The following UBE2W variants were observed in gnomAD, a reference collection of about 807,000 sequenced individuals.
UBE2W encodes ubiquitin-conjugating enzyme E2 W.
A neutral mutation model predicts 27.2 loss-of-function variants in UBE2W; 18 were observed. The ratio of observed to expected loss-of-function variants is 0.66; its 90% CI spans 0.46 to 0.98. The LOEUF is 0.98. Ranked by LOEUF, UBE2W falls within the 50% of genes least tolerant of loss-of-function variation. The pLI, the probability that UBE2W is intolerant of heterozygous loss-of-function variation, is 0.00. For missense variants in UBE2W, 90 were observed against 180.2 expected (o/e 0.50, Z 2.87); for synonymous variants, 53 against 57.2 (o/e 0.93, Z 0.33).
intron 4 of UBE2W, 141 bp downstream of exon 4, chr8:73,810,333 T>C (rs958160997): frequency 4.6e-6 from 4 of 866,656 alleles, no homozygotes; most frequent in African/African-American, 1.7e-5. Context: ...TTCCAATTTA[T>C]TACTAAACAT....
intron 3 of UBE2W, among the ~76,000 whole-genome samples, chr8:73,824,357 G>A (rs1457867312): frequency 6.6e-6 from 1 of 152,162 alleles, no homozygotes; most frequent in African/African-American, 2.4e-5. Flanking sequence ...TTGTGCTGAT[G>A]TTTAGATATT....
In UBE2W at chr8:73,803,670, C is replaced by T. The variant is rs1033990678; in HGVS notation, c.442+1981G>A. On this transcript the variant is annotated intron_variant, in intron 5 of 5. Coordinates refer to ENST00000602593, the MANE Select transcript of UBE2W (RefSeq NM_018299.6). ...GCTCTTAAAGTTTTGCCATTTTCTTCTTCTTCTAAGTCATATGTATTTCTT... is the reference window on the plus strand; with the variant it reads ...GCTCTTAAAGTTTTGCCATTTTCTTTTTCTTCTAAGTCATATGTATTTCTT... Among the ~76,000 whole-genome samples the T allele has an allele frequency of 1.1e-4, 16 of 152,100 alleles. 1 individual carries two copies. The highest frequency in any genetic ancestry group is 9.2e-4 in the Admixed American group (14 of 15,260).
Position 73,842,528 on chromosome 8 carries a change from C to CAAAAAAAAA in UBE2W, c.16-12065_16-12057dup, listed in dbSNP as rs759063478. 3.1e-3 allele frequency among the ~76,000 whole-genome samples: 30 copies of CAAAAAAAAA among 9,674 alleles called. 7 individuals are homozygous for CAAAAAAAAA. Among genetic ancestry groups the CAAAAAAAAA allele is most frequent in the African/African-American group, 7.3e-3 (26 of 3,560 alleles). The allele number at this position is 9,674 out of a possible 152,430, so 6.3% of individuals were successfully genotyped here. ...TGGGCGACAGAGGGAGACTCCGTCTCAAAAAAAAAAAAAAAAAAAAAAAAA... is the reference window on the plus strand; with the variant it reads ...TGGGCGACAGAGGGAGACTCCGTCTCAAAAAAAAAAAAAAAAAAAAAAAAAAAAAAAAAA... On this transcript the variant is annotated intron_variant, in intron 1 of 5. Transcript: ENST00000602593.
At chr8:73,795,876 G>A (rs1808389876) in intron 5 of UBE2W, 3 of 591,472 alleles carry the variant, frequency 5.1e-6, no homozygotes, top group Non-Finnish European at 6.4e-6. Context: ...GGGCCCAGGA[G>A]TTCAAGACCA....
At chr8:73,802,199 G>A (rs1339242664) in intron 5 of UBE2W, among the ~76,000 whole-genome samples, 1 of 152,108 alleles carries the variant, frequency 6.6e-6, no homozygotes, top group Non-Finnish European at 1.5e-5. Context: ...TTCCTTAAAG[G>A]ATTACACTAA....
intron 2 of UBE2W, among the ~76,000 whole-genome samples, chr8:73,828,569 T>C (rs1211106858): frequency 6.6e-6 from 1 of 152,202 alleles, no homozygotes; most frequent in Non-Finnish European, 1.5e-5. Flanking sequence ...AGGTCAAACA[T>C]GATAGTATTC....
chr8:73,843,969 C>A (rs1218709276), intron 1 of UBE2W, among the ~76,000 whole-genome samples: 1 of 151,980 alleles, frequency 6.6e-6, no homozygotes, highest in African/African-American at 2.4e-5. Flanking sequence ...AGCCTGGCAA[C>A]AGAGCAAGAC....
intron 1 of UBE2W, among the ~76,000 whole-genome samples, chr8:73,858,847 AC>A (rs1299655547): frequency 2.7e-5 from 4 of 150,810 alleles, no homozygotes; most frequent in Non-Finnish European, 5.9e-5. Context: ...GACTGAACCA[AC>A]CTTCTCTATC....
intron 1 of UBE2W, among the ~76,000 whole-genome samples, chr8:73,871,454 T>C (rs1189580156): frequency 6.6e-6 from 1 of 152,226 alleles, no homozygotes; most frequent in Non-Finnish European, 1.5e-5. Flanking sequence ...TATAGCTTTT[T>C]AAAAAGTAGT....
chr8:73,810,157 A>G (rs1157016207), intron 4 of UBE2W, among the ~76,000 whole-genome samples: 1 of 152,194 alleles, frequency 6.6e-6, no homozygotes, highest in East Asian at 1.9e-4. Context: ...AAATCTACAA[A>G]AAGAATTTCT....
intron 1 of UBE2W, among the ~76,000 whole-genome samples, chr8:73,861,130 T>C (rs1331091173): frequency 6.6e-6 from 1 of 151,954 alleles, no homozygotes; most frequent in Non-Finnish European, 1.5e-5. Flanking sequence ...AAAAAAATAA[T>C]AAAAATAAAA....
intron 4 of UBE2W, among the ~76,000 whole-genome samples, chr8:73,781,028 G>C (rs1807831039): frequency 6.6e-6 from 1 of 151,820 alleles, no homozygotes; most frequent in East Asian, 2.0e-4. Flanking sequence ...CCAGCCCTTT[G>C]GGAGGCCGAG....
chr8:73,781,631 T>TA (rs535323162), downstream of UBE2W, among the ~76,000 whole-genome samples: 32 of 151,410 alleles, frequency 2.1e-4, 1 homozygote, highest in Admixed American at 6.6e-4. Flanking sequence ...TTTTTTTTTT[T>TA]TTTTTTATTT....
rs114158814 is a variant in UBE2W at position 73,839,212 on chromosome 8, A to T, written c.16-8740T>A. The stretch of plus-strand genomic sequence containing the variant: ...TTCAGAGAGCTGCGATGATAGGTAC[A>T]TCAGTACTGAAAAAGCACTACTACT... On this transcript the variant is annotated intron_variant, in intron 1 of 5. Transcript: ENST00000602593. Among the ~76,000 whole-genome samples the T allele has an allele frequency of 8.8e-3, 1,336 of 152,236 alleles. 20 individuals carry two copies. Among genetic ancestry groups the T allele is most frequent in the African/African-American group, 0.031 (1,277 of 41,534 alleles).
chr8:73,799,208 G>T (rs570740494), intron 5 of UBE2W, among the ~76,000 whole-genome samples: 1 of 151,970 alleles, frequency 6.6e-6, no homozygotes, highest in South Asian at 2.1e-4. Context: ...CTTTTTACAT[G>T]GTAATAAATC....
chr8:73,780,223 C>A, exon 5 of UBE2W: 1 of 178,590 alleles, frequency 5.6e-6, no homozygotes, highest in Non-Finnish European at 1.2e-5. Flanking sequence ...CCTCTTCCAG[C>A]CTCTGATGTT....
intron 3 of UBE2W, among the ~76,000 whole-genome samples, chr8:73,821,556 T>TGGGGG (rs1554581573): frequency 1.3e-4 from 1 of 7,726 alleles, no homozygotes; most frequent in African/African-American, 5.0e-4. Context: ...AGTGTGTGTG[T>TGGGGG]GGGGGGGGGG....
rs1295278268 is a variant in UBE2W at position 73,805,637 on chromosome 8, T to C, written c.442+14A>G. 2 of 1,477,974 alleles carry C rather than the reference T, an allele frequency of 1.4e-6. No individual in the cohort carries two copies. The highest frequency in any genetic ancestry group is 2.8e-5 in the African/African-American group (2 of 71,878). The allele number at this position is 1,477,974 out of a possible 1,614,324, so 91.6% of individuals were successfully genotyped here. On this transcript the variant is annotated intron_variant, in intron 5 of 5. Coordinates refer to ENST00000602593, the MANE Select transcript of UBE2W (RefSeq NM_018299.6). ...CAAAATGCTAAAAAGTTATTACAAA[T>C]TCAAACTGCTTACCATGATACCACC...
In UBE2W at chr8:73,804,278, T is replaced by TA. The variant is rs60509539; in HGVS notation, c.442+1372dup. Among the ~76,000 whole-genome samples the TA allele has an allele frequency of 9.5e-3, 1,264 of 132,414 alleles. 9 individuals carry two copies. The highest frequency in any genetic ancestry group is 0.014 in the African/African-American group (505 of 36,706). The allele number at this position is 132,414 out of a possible 152,430, so 86.9% of individuals were successfully genotyped here. On this transcript the variant is annotated intron_variant, in intron 5 of 5. Transcript: ENST00000602593. ...TTCTAATTTATTATCAGGTTAACAT[T>TA]AAAAAAAAAAAAAAACCCACACACA...
Sources: allele counts gnomAD v4.1 joint callset (sites outside exome capture counted in the v4.1 genomes callset), GRCh38; gene constraint gnomAD v4.1.1; transcripts MANE v1.5; gene names NCBI Gene and HGNC (gene_info 2026-07-23, HGNC 2026-07-21).